Variants in XKR4 observed in about 807,000 individuals in gnomAD.
XKR4 encodes XK related 4.
XKR4 carries 12 observed loss-of-function variants against 53.9 expected under a neutral mutation model. The observed-to-expected ratio is 0.22, with a 90% CI of 0.14 to 0.36. The LOEUF (loss-of-function observed/expected upper bound fraction) is 0.36, where lower values mean the gene tolerates loss of function less well. Among genes scored for constraint, XKR4 ranks in the 10% least tolerant of loss-of-function variants. The probability of loss-of-function intolerance (pLI) is 1.00; values close to 1 mark genes in which losing one functional copy is unlikely to be tolerated. For synonymous variants in XKR4, 354 were observed against 362.4 expected (o/e 0.98, Z 0.26); for missense variants, 799 against 859.5 (o/e 0.93, Z 0.88).
chr8:55,386,455 C>T (rs2129388111), intron 2 of XKR4, among the ~76,000 whole-genome samples: 1 of 152,314 alleles, frequency 6.6e-6, no homozygotes, highest in Middle Eastern at 3.4e-3. Context: ...TTGGATATGG[C>T]TGAGCCAGAA....
chr8:55,168,323 G>A (rs1333998913), intron 1 of XKR4, among the ~76,000 whole-genome samples: 1 of 152,170 alleles, frequency 6.6e-6, no homozygotes, highest in Non-Finnish European at 1.5e-5. Flanking sequence ...GTAGAGGACA[G>A]AATGGATGTT....
chr8:55,180,675 G>C (rs1383405255), intron 1 of XKR4, among the ~76,000 whole-genome samples: 1 of 152,052 alleles, frequency 6.6e-6, no homozygotes, highest in African/African-American at 2.4e-5. Flanking sequence ...GGGATTACAG[G>C]CACCCGCCAC....
rs916916079 is a variant in XKR4, at chr8:55,532,400, CTAAT to C, written c.*8178_*8181del. ...TTAACGAAAAAAATCAATACCAAAA[CTAAT>C]TAATCAAAATATTAAGCAAATATTA... On this transcript the variant is annotated 3_prime_UTR_variant, in exon 3 of 3. Transcript: ENST00000327381. 3 of 152,208 alleles carry C rather than the reference CTAAT, an allele frequency of 2.0e-5. No homozygotes were observed. The East Asian group carries it at 5.8e-4, about 29-fold the overall frequency. The allele number at this position is 152,208 out of a possible 1,614,324, so 9.4% of individuals were successfully genotyped here. A position where few individuals can be genotyped will look rare whatever the true frequency, so the allele number is the denominator to read the frequency against.
At chr8:55,157,341 A>G (rs942002042) in intron 1 of XKR4, among the ~76,000 whole-genome samples, 3 of 152,242 alleles carry the variant, frequency 2.0e-5, no homozygotes, top group Non-Finnish European at 2.9e-5. Flanking sequence ...AGAAATTATG[A>G]TAAAGAGATA....
At chr8:55,410,760 A>T (rs771648929) in intron 2 of XKR4, among the ~76,000 whole-genome samples, 27 of 152,106 alleles carry the variant, frequency 1.8e-4, no homozygotes, top group Non-Finnish European at 2.1e-4. Context: ...GTGTCTCATG[A>T]CACTCTTCTC....
At chr8:55,220,192 T>A (rs765052808) in intron 1 of XKR4, among the ~76,000 whole-genome samples, 3 of 152,082 alleles carry the variant, frequency 2.0e-5, no homozygotes, top group Non-Finnish European at 4.4e-5. Context: ...TATACATAAT[T>A]ATTATTTATC....
chr8:55,209,203 A>ATGTGTGTGTGTGTGTGTGTG (rs77094773), intron 1 of XKR4, among the ~76,000 whole-genome samples: 5 of 149,216 alleles, frequency 3.4e-5, no homozygotes, highest in African/African-American at 7.5e-5. Context: ...CAGTGTGTTT[A>ATGTGTGTGTGTGTGTGTGTG]TGTGTGTGTG....
At chr8:55,317,883 G>A (rs981246952) in intron 1 of XKR4, among the ~76,000 whole-genome samples, 2 of 152,166 alleles carry the variant, frequency 1.3e-5, no homozygotes, top group African/African-American at 4.8e-5. Context: ...TGAGCCCAAG[G>A]AAGATGGCTT....
chr8:55,154,127 T>C (rs776667097), intron 1 of XKR4, among the ~76,000 whole-genome samples: 1 of 152,158 alleles, frequency 6.6e-6, no homozygotes, highest in Non-Finnish European at 1.5e-5. Context: ...CCTATATACA[T>C]AGGGAAGATT....
At chr8:55,367,442 T>A (rs1339924572) in intron 2 of XKR4, among the ~76,000 whole-genome samples, 2 of 152,244 alleles carry the variant, frequency 1.3e-5, no homozygotes, top group South Asian at 2.1e-4. Context: ...ATATTTTTAA[T>A]GTGTCTTTAA....
Position 55,395,607 on chromosome 8 carries a change from G to A in XKR4, c.1006+37730G>A, listed in dbSNP as rs545033017. 3.3e-4 allele frequency among the ~76,000 whole-genome samples: 50 copies of A among 152,258 alleles called. 1 individual carries two copies. The highest frequency in any genetic ancestry group is 1.7e-3 in the Admixed American group (26 of 15,300). ...AGGGTCTTTGAGAGGAGAATGGCCT[G>A]TCATTCACCTGCAGAAAGATGGTCA... On this transcript the variant is annotated intron_variant, in intron 2 of 2. Coordinates refer to ENST00000327381, the MANE Select transcript of XKR4 (RefSeq NM_052898.2).
At chr8:55,326,129 G>A (rs1444223181) in intron 1 of XKR4, among the ~76,000 whole-genome samples, 1 of 152,170 alleles carries the variant, frequency 6.6e-6, no homozygotes, top group South Asian at 2.1e-4. Flanking sequence ...ATAATGAGGG[G>A]TATTTTGGAA....
intron 1 of XKR4, among the ~76,000 whole-genome samples, chr8:55,168,016 G>T (rs1817093265): frequency 6.6e-6 from 1 of 152,220 alleles, no homozygotes; most frequent in South Asian, 2.1e-4. Context: ...AGAAATATAG[G>T]TACTTTTGGG....
intron 1 of XKR4, among the ~76,000 whole-genome samples, chr8:55,304,914 T>C (rs139598208): frequency 1.9e-3 from 284 of 152,198 alleles, no homozygotes; most frequent in African/African-American, 6.5e-3. Context: ...GAGGCAGAAA[T>C]GATAAGCTTC....
intron 1 of XKR4, among the ~76,000 whole-genome samples, chr8:55,173,968 G>A (rs907762797): frequency 2.6e-5 from 4 of 152,042 alleles, no homozygotes; most frequent in Non-Finnish European, 2.9e-5. Flanking sequence ...CAAGAATTAC[G>A]GATGTGAGCA....
At chr8:55,429,824 A>AT (rs1206960102) in intron 2 of XKR4, among the ~76,000 whole-genome samples, 1 of 152,220 alleles carries the variant, frequency 6.6e-6, no homozygotes, top group Non-Finnish European at 1.5e-5. Flanking sequence ...TCTGCAGAAG[A>AT]CACTGTTAAG....
Position 55,516,050 on chromosome 8 carries a change from G to T in XKR4, c.1007-7231G>T, listed in dbSNP as rs371979734. ...TGGGCAAGTCATTTAACCTCTCTTTGGTTCTGTTTGCCTGTTTGCAAAAAA... is the reference window on the plus strand; with the variant it reads ...TGGGCAAGTCATTTAACCTCTCTTTTGTTCTGTTTGCCTGTTTGCAAAAAA... On this transcript the variant is annotated intron_variant, in intron 2 of 2. Transcript: ENST00000327381. Among the ~76,000 whole-genome samples, 22 of 152,244 alleles carry T rather than the reference G, an allele frequency of 1.4e-4. No homozygotes were observed. The South Asian group carries it at 4.6e-3, about 32-fold the overall frequency.
At chr8:55,319,434 C>T (rs1336524797) in intron 1 of XKR4, among the ~76,000 whole-genome samples, 1 of 152,150 alleles carries the variant, frequency 6.6e-6, no homozygotes, top group Admixed American at 6.5e-5. Context: ...GATGCACATA[C>T]CATTGAACTC....
chr8:55,134,081 CTG>C (rs936981349), intron 1 of XKR4, among the ~76,000 whole-genome samples: 1 of 152,146 alleles, frequency 6.6e-6, no homozygotes, highest in Non-Finnish European at 1.5e-5. Flanking sequence ...AAAGTAAAGA[CTG>C]TTTATAACAG....
Sources: gnomAD v4.1 joint callset for allele counts (sites outside exome capture counted in the v4.1 genomes callset) on GRCh38, gnomAD v4.1.1 for gene constraint, MANE v1.5 for transcripts, NCBI Gene and HGNC (gene_info 2026-07-23, HGNC 2026-07-21) for gene names.